CSE1L: variants seen among roughly 807,000 people sequenced by gnomAD.
The protein encoded by CSE1L is exportin-2.
CSE1L carries 24 observed loss-of-function variants against 120.4 expected under a neutral mutation model. That is an observed-to-expected ratio of 0.20 (90% CI 0.14 to 0.28). CSE1L has a LOEUF of 0.28. Among genes scored for constraint, CSE1L ranks in the 10% least tolerant of loss-of-function variants. The pLI is 1.00. For synonymous variants in CSE1L, 402 were observed against 398.3 expected, an observed-to-expected ratio of 1.01 and a Z score of -0.11; for missense variants, 830 against 1,145.2, an observed-to-expected ratio of 0.72 and a Z score of 3.97.
At chr20:49,074,176 AGTGTGTGT>A (rs71184254) in intron 10 of CSE1L, among the ~76,000 whole-genome samples, 25,463 of 115,230 alleles carry the variant, frequency 0.22, 2,823 homozygotes, top group African/African-American at 0.27. Context: ...ATACAACTGC[AGTGTGTGT>A]GTGTGTGTGT....
chr20:49,085,181 TCA>T, intron 15 of CSE1L, 100 bp from the exon 16 acceptor site: 3 of 808,602 alleles, frequency 3.7e-6, no homozygotes, highest in Non-Finnish European at 6.3e-6. Flanking sequence ...GGGAGATGGC[TCA>T]GTTTTATGCT....
At chr20:49,085,220 G>T in intron 15 of CSE1L, 63 bp from the exon 16 acceptor site, 2 of 1,231,186 alleles carry the variant, frequency 1.6e-6, no homozygotes, top group South Asian at 1.2e-5. Context: ...TGGTTGCCAA[G>T]GGTAATCTGC....
chr20:49,072,234 T>G, intron 8 of CSE1L, 52 bp from the exon 9 acceptor site: 1 of 1,580,484 alleles, frequency 6.3e-7, no homozygotes, highest in Non-Finnish European at 8.6e-7. Context: ...CTCCTCTTAC[T>G]TATGTTAGCA....
intron 1 of CSE1L, among the ~76,000 whole-genome samples, chr20:49,047,552 C>CTT (rs1230411564): frequency 1.1e-5 from 1 of 89,802 alleles, no homozygotes; most frequent in African/African-American, 4.6e-5. Flanking sequence ...TTTTCTTTTT[C>CTT]TTTTCTCTTT....
chr20:49,075,638 T>G (rs2091963669), intron 12 of CSE1L, 118 bp downstream of exon 12: 1 of 788,244 alleles, frequency 1.3e-6, no homozygotes, highest in South Asian at 1.8e-5. Context: ...CTATTCTGAT[T>G]AAGATTTATA....
At chr20:49,064,409 G>A (rs953710789) in intron 3 of CSE1L, among the ~76,000 whole-genome samples, 2 of 152,206 alleles carry the variant, frequency 1.3e-5, no homozygotes, top group South Asian at 2.1e-4. Flanking sequence ...ATCACCATGA[G>A]TGGTAAAGAA....
intron 1 of CSE1L, among the ~76,000 whole-genome samples, chr20:49,048,704 G>A (rs551581005): frequency 1.3e-5 from 2 of 152,246 alleles, no homozygotes; most frequent in South Asian, 4.2e-4. Context: ...TCCAGGACCC[G>A]GATCATAGAA....
intron 1 of CSE1L, among the ~76,000 whole-genome samples, 160 bp downstream of exon 1, chr20:49,046,583 A>C (rs2091712273): frequency 6.6e-6 from 1 of 152,158 alleles, no homozygotes; most frequent in Non-Finnish European, 1.5e-5. Context: ...CGCTCAGGCA[A>C]GGTCTTCGGC....
intron 7 of CSE1L, among the ~76,000 whole-genome samples, chr20:49,069,982 G>A (rs1247112600): frequency 6.6e-6 from 1 of 152,218 alleles, no homozygotes; most frequent in East Asian, 1.9e-4. Flanking sequence ...ATTAGGATGA[G>A]AACTAGAGGT....
intron 1 of CSE1L, among the ~76,000 whole-genome samples, chr20:49,050,491 C>T (rs2091758324): frequency 6.7e-6 from 1 of 149,770 alleles, no homozygotes; most frequent in Non-Finnish European, 1.5e-5. Flanking sequence ...AAACCTCTGC[C>T]TCCCGGGTTC....
intron 16 of CSE1L, 25 bp downstream of exon 16, chr20:49,085,411 A>G (rs1311109254): frequency 6.5e-7 from 1 of 1,530,112 alleles, no homozygotes; most frequent in African/African-American, 1.4e-5. Flanking sequence ...TGGTGTGCAG[A>G]CTACAGGTAT....
At chr20:49,067,031 C>CAAAAAAAAAAAAAAAAAA (rs60161542) in intron 5 of CSE1L, among the ~76,000 whole-genome samples, 159 bp from the exon 6 acceptor site, 2 of 100,818 alleles carry the variant, frequency 2.0e-5, no homozygotes, top group Non-Finnish European at 3.8e-5. Flanking sequence ...GACTCCGTCT[C>CAAAAAAAAAAAAAAAAAA]AAAAAAAAAA....
intron 10 of CSE1L, among the ~76,000 whole-genome samples, chr20:49,073,670 A>G (rs2123712379): frequency 1.3e-5 from 2 of 152,178 alleles, no homozygotes; most frequent in South Asian, 4.1e-4. Flanking sequence ...TTTTTTATAA[A>G]GATGGGGGTC....
chr20:49,069,527 T>C (rs1355581907), intron 7 of CSE1L, among the ~76,000 whole-genome samples: 1 of 152,214 alleles, frequency 6.6e-6, no homozygotes, highest in Non-Finnish European at 1.5e-5. Context: ...AATAAACTCA[T>C]AGTGGTAGGG....
intron 1 of CSE1L, among the ~76,000 whole-genome samples, chr20:49,049,263 GC>G (rs1568758529): frequency 2.0e-5 from 3 of 150,854 alleles, no homozygotes; most frequent in Non-Finnish European, 4.4e-5. Flanking sequence ...TCACTGTGTT[GC>G]CTGGGCTGAC....
chr20:49,075,822 A>G (rs1252936693), intron 12 of CSE1L, among the ~76,000 whole-genome samples: 1 of 152,140 alleles, frequency 6.6e-6, no homozygotes, highest in Admixed American at 6.6e-5. Flanking sequence ...GTCTATTAGT[A>G]TAGTCTTATT....
At chr20:49,090,673 A>G in intron 19 of CSE1L, 69 bp from the exon 20 acceptor site, 2 of 1,139,552 alleles carry the variant, frequency 1.8e-6, no homozygotes, top group Non-Finnish European at 2.7e-6. Flanking sequence ...TTTAAGACAT[A>G]TATCATGTTT....
At chr20:49,056,465 G>C (rs3795082) in intron 1 of CSE1L, among the ~76,000 whole-genome samples, 54,899 of 152,066 alleles carry the variant, frequency 0.36, 10,739 homozygotes, top group African/African-American at 0.53. Context: ...TAAGTGAACT[G>C]TTTGGGAAAT....
At chr20:49,079,900 C>T (rs909235316) in intron 14 of CSE1L, among the ~76,000 whole-genome samples, 43 of 152,218 alleles carry the variant, frequency 2.8e-4, no homozygotes, top group African/African-American at 9.9e-4. Context: ...GCCAACATGA[C>T]GAAACCCCAT....
Sources: gnomAD v4.1 joint callset for allele counts (sites outside exome capture counted in the v4.1 genomes callset) on GRCh38, gnomAD v4.1.1 for gene constraint, MANE v1.5 for transcripts, NCBI Gene and HGNC (gene_info 2026-07-23, HGNC 2026-07-21) for gene names.